Variants in ADK observed in about 807,000 individuals in gnomAD.
ADK encodes the protein adenosine kinase, also known as N6,N6-dimethyladenosine kinase.
Under a neutral mutation model 44.7 loss-of-function variants are expected in ADK, and 24 were observed. The ratio of observed to expected loss-of-function variants is 0.54; its 90% CI spans 0.39 to 0.76. ADK has a LOEUF of 0.76. Ranked by LOEUF, ADK falls within the 30% of genes least tolerant of loss-of-function variation. ADK has a pLI of 0.00. For missense variants in ADK, 321 were observed against 425.1 expected, an observed-to-expected ratio of 0.76 and a Z score of 2.15; for synonymous variants, 128 against 142.6, an observed-to-expected ratio of 0.90 and a Z score of 0.73.
intron 1 of ADK, among the ~76,000 whole-genome samples, chr10:74,174,844 C>T (rs1170591611): frequency 6.6e-6 from 1 of 152,186 alleles, no homozygotes; most frequent in Non-Finnish European, 1.5e-5. Context: ...AGGCATTTCC[C>T]AGGTTAAAGA....
intron 6 of ADK, among the ~76,000 whole-genome samples, chr10:74,518,578 T>C (rs1445134140): frequency 2.0e-5 from 3 of 152,174 alleles, no homozygotes; most frequent in Non-Finnish European, 4.4e-5. Context: ...ACACCAAAAC[T>C]AAAAATGGTT....
intron 9 of ADK, among the ~76,000 whole-genome samples, chr10:74,662,701 T>G (rs1854783581): frequency 6.6e-6 from 1 of 152,198 alleles, no homozygotes; most frequent in South Asian, 2.1e-4. Flanking sequence ...CCAGGTACAG[T>G]GGCCTTCTTT....
chr10:74,469,115 A>G lies in ADK; in HGVS notation c.556-56141A>G, dbSNP rs9888065. Among the ~76,000 whole-genome samples the G allele has an allele frequency of 6.7e-3, 1,019 of 152,250 alleles. 13 individuals carry two copies. Among genetic ancestry groups the G allele is most frequent in the African/African-American group, 0.023 (959 of 41,550 alleles). The stretch of plus-strand genomic sequence containing the variant: ...CACTCTGGGAGACCAAGGCAGGAGG[A>G]TTGCTTGAGCCCAGGAATTTGAGAA... On this transcript the variant is annotated intron_variant, in intron 6 of 10. Transcript: ENST00000539909.
intron 4 of ADK, among the ~76,000 whole-genome samples, chr10:74,338,576 C>T (rs891749356): frequency 6.6e-6 from 1 of 151,960 alleles, no homozygotes; most frequent in Admixed American, 6.6e-5. Flanking sequence ...AATGGAATAC[C>T]AAGCTTTGTA....
intron 7 of ADK, among the ~76,000 whole-genome samples, chr10:74,582,100 A>G (rs140101075): frequency 6.6e-6 from 1 of 152,178 alleles, no homozygotes; most frequent in Non-Finnish European, 1.5e-5. Context: ...CCAACCACGT[A>G]TTATCTCATT....
chr10:74,624,025 G>A (rs1282753166), intron 9 of ADK, among the ~76,000 whole-genome samples: 2 of 151,998 alleles, frequency 1.3e-5, no homozygotes, highest in East Asian at 3.8e-4. Flanking sequence ...AAAAATCTTT[G>A]GAAGTATAGC....
At chr10:74,480,786 G>T (rs1316801919) in intron 6 of ADK, among the ~76,000 whole-genome samples, 1 of 152,108 alleles carries the variant, frequency 6.6e-6, no homozygotes, top group Non-Finnish European at 1.5e-5. Flanking sequence ...TAATATGGTA[G>T]CTCATGCCTT....
intron 4 of ADK, among the ~76,000 whole-genome samples, chr10:74,380,247 T>G (rs954366092): frequency 1.3e-5 from 2 of 152,204 alleles, no homozygotes; most frequent in African/African-American, 2.4e-5. Flanking sequence ...TACCTGGCCC[T>G]TAGAACTATC....
Position 74,205,607 on chromosome 10 carries a change from C to T in ADK, c.140+4769C>T, listed in dbSNP as rs895632046. On this transcript the variant is annotated intron_variant, in intron 2 of 10. Transcript: ENST00000539909. ...AGGAGAATCGGGTGAACCTGGGAGGCGGAGGTTGCAGTAAGCTGAGATTGC... is the reference window on the plus strand; with the variant it reads ...AGGAGAATCGGGTGAACCTGGGAGGTGGAGGTTGCAGTAAGCTGAGATTGC... Among the ~76,000 whole-genome samples, 15 of 137,590 alleles carry T rather than the reference C, an allele frequency of 1.1e-4. No individual in the cohort carries two copies. The East Asian group carries it at 1.8e-3, about 16-fold the overall frequency. The allele number at this position is 137,590 out of a possible 152,430, so 90.3% of individuals were successfully genotyped here. A position where few individuals can be genotyped will look rare whatever the true frequency, so the allele number is the denominator to read the frequency against.
intron 6 of ADK, among the ~76,000 whole-genome samples, chr10:74,432,570 A>G (rs1592205967): frequency 6.6e-6 from 1 of 152,278 alleles, no homozygotes; most frequent in East Asian, 1.9e-4. Flanking sequence ...TCTTCCAAAT[A>G]TTGATGTAGT....
chr10:74,236,848 A>G (rs1364067720), intron 3 of ADK, among the ~76,000 whole-genome samples: 1 of 152,258 alleles, frequency 6.6e-6, no homozygotes, highest in Non-Finnish European at 1.5e-5. Flanking sequence ...AATGTAATCT[A>G]TTGTATACAA....
intron 4 of ADK, among the ~76,000 whole-genome samples, chr10:74,354,044 A>G (rs868256525): frequency 2.0e-5 from 3 of 152,238 alleles, no homozygotes; most frequent in Non-Finnish European, 4.4e-5. Context: ...AATTTAAAAC[A>G]GCATTTAAAA....
At chr10:74,320,012 A>C (rs1017928084) in intron 4 of ADK, among the ~76,000 whole-genome samples, 20 of 152,204 alleles carry the variant, frequency 1.3e-4, no homozygotes, top group Admixed American at 3.9e-4. Flanking sequence ...CCAAAAGTTC[A>C]GTGATAGTGG....
chr10:74,558,854 C>T (rs1362813566), intron 7 of ADK, among the ~76,000 whole-genome samples: 2 of 152,152 alleles, frequency 1.3e-5, no homozygotes, highest in Non-Finnish European at 2.9e-5. Context: ...CTTGATTTTA[C>T]CCTAGTGAGG....
intron 7 of ADK, among the ~76,000 whole-genome samples, chr10:74,546,226 T>C (rs756833725): frequency 2.0e-5 from 3 of 152,164 alleles, no homozygotes; most frequent in Non-Finnish European, 4.4e-5. Flanking sequence ...GTGAAAGTAA[T>C]ATAAACTTAA....
At chr10:74,175,743 TAGTG>T (rs1376987693) in intron 1 of ADK, among the ~76,000 whole-genome samples, 2 of 152,156 alleles carry the variant, frequency 1.3e-5, no homozygotes, top group African/African-American at 4.8e-5. Context: ...CTGGGCAACA[TAGTG>T]AGACCCTGTC....
intron 6 of ADK, among the ~76,000 whole-genome samples, chr10:74,430,392 G>T (rs951152715): frequency 4.6e-5 from 7 of 152,030 alleles, no homozygotes; most frequent in Non-Finnish European, 8.8e-5. Flanking sequence ...AAGACATCTT[G>T]GTTGTTTCCA....
At chr10:74,272,567 A>G (rs543913549) in intron 3 of ADK, among the ~76,000 whole-genome samples, 1 of 152,296 alleles carries the variant, frequency 6.6e-6, no homozygotes, top group South Asian at 2.1e-4. Context: ...GAGCCACCAC[A>G]GCCAATATGC....
At chr10:74,661,627 CCTTA>C (rs1192847929) in intron 9 of ADK, among the ~76,000 whole-genome samples, 1 of 152,150 alleles carries the variant, frequency 6.6e-6, no homozygotes, top group Non-Finnish European at 1.5e-5. Flanking sequence ...TTATTTCTTG[CCTTA>C]CTTGATATAT....
Sources: gnomAD v4.1 joint callset for allele counts (sites outside exome capture counted in the v4.1 genomes callset) on GRCh38, gnomAD v4.1.1 for gene constraint, MANE v1.5 for transcripts, NCBI Gene and HGNC (gene_info 2026-07-23, HGNC 2026-07-21) for gene names.